Variants in FAM193A observed in about 807,000 individuals in gnomAD.
FAM193A encodes protein FAM193A.
A neutral mutation model predicts 126.5 loss-of-function variants in FAM193A; 22 were observed. The observed-to-expected ratio is 0.17, with a 90% CI of 0.12 to 0.25. FAM193A has a LOEUF of 0.25. FAM193A is among the 10% of genes least tolerant of loss of function. The probability of loss-of-function intolerance (pLI) is 1.00; values close to 1 mark genes in which losing one functional copy is unlikely to be tolerated. For missense variants in FAM193A, 1,675 were observed against 1,672.8 expected (o/e 1.00, Z -0.02); for synonymous variants, 761 against 646.8 (o/e 1.18, Z -2.68).
intron 20 of FAM193A, among the ~76,000 whole-genome samples, chr4:2,722,621 T>A (rs1056039471): frequency 6.6e-6 from 1 of 152,018 alleles, no homozygotes; most frequent in African/African-American, 2.4e-5. Context: ...GGAAAGAGAA[T>A]TTGGATTCTG....
intron 1 of FAM193A, among the ~76,000 whole-genome samples, chr4:2,565,274 T>TC: frequency 1.1e-5 from 1 of 90,892 alleles, no homozygotes; most frequent in Non-Finnish European, 2.2e-5. Context: ...TTTTTTTTTT[T>TC]TTAAAAGATG....
At chr4:2,568,840 C>T (rs1739119388) in intron 1 of FAM193A, among the ~76,000 whole-genome samples, 1 of 152,258 alleles carries the variant, frequency 6.6e-6, no homozygotes, top group South Asian at 2.1e-4. Flanking sequence ...TAGAAGGATT[C>T]TGTTAAGATT....
At chr4:2,602,918 C>T (rs1741288765) in intron 2 of FAM193A, among the ~76,000 whole-genome samples, 1 of 148,802 alleles carries the variant, frequency 6.7e-6, no homozygotes, top group Admixed American at 6.7e-5. Flanking sequence ...CCTCGTCCTC[C>T]CAAAGTGCTG....
intron 2 of FAM193A, among the ~76,000 whole-genome samples, chr4:2,598,650 G>A (rs1741009598): frequency 6.6e-6 from 1 of 152,170 alleles, no homozygotes; most frequent in African/African-American, 2.4e-5. Context: ...ATTGGTTCTT[G>A]CTTTCTGTTT....
At chr4:2,572,733 T>G (rs953925014) in intron 1 of FAM193A, among the ~76,000 whole-genome samples, 6 of 150,696 alleles carry the variant, frequency 4.0e-5, no homozygotes, top group African/African-American at 1.5e-4. Flanking sequence ...GTCTTTAGAT[T>G]AAGTGCAGTT....
intron 20 of FAM193A, chr4:2,720,198 T>C (rs1337194187): frequency 6.5e-6 from 1 of 154,658 alleles, no homozygotes; most frequent in Non-Finnish European, 1.5e-5. Context: ...AAAAGTATTT[T>C]ATATTCAACC....
chr4:2,543,574 G>A (rs1304385921), intron 1 of FAM193A, among the ~76,000 whole-genome samples: 1 of 151,772 alleles, frequency 6.6e-6, no homozygotes, highest in African/African-American at 2.4e-5. Context: ...GCCACCATAG[G>A]GACCGGGCAT....
At chr4:2,650,804 C>T (rs1368545439) in intron 7 of FAM193A, among the ~76,000 whole-genome samples, 1 of 152,164 alleles carries the variant, frequency 6.6e-6, no homozygotes. Context: ...AAAGAGGAGC[C>T]CCAAGCACCT....
intron 13 of FAM193A, among the ~76,000 whole-genome samples, chr4:2,680,317 C>T (rs747800121): frequency 3.9e-5 from 6 of 151,988 alleles, no homozygotes; most frequent in Non-Finnish European, 8.8e-5. Flanking sequence ...TACAGTTGTT[C>T]GTAATACTTT....
At chr4:2,696,199 C>A (rs1035400914) in intron 17 of FAM193A, 164 bp from the exon 18 acceptor site, 2 of 574,326 alleles carry the variant, frequency 3.5e-6, no homozygotes, top group Non-Finnish European at 6.0e-6. Flanking sequence ...GGGTGACTTG[C>A]TGATAGGTTT....
intron 1 of FAM193A, among the ~76,000 whole-genome samples, chr4:2,581,025 A>T (rs368205484): frequency 3.8e-4 from 57 of 151,788 alleles, no homozygotes; most frequent in African/African-American, 1.3e-3. Flanking sequence ...GCTACTCGGG[A>T]GGCTGAGGCA....
chr4:2,599,858 C>T (rs1308769398), intron 2 of FAM193A, among the ~76,000 whole-genome samples: 2 of 151,874 alleles, frequency 1.3e-5, no homozygotes, highest in African/African-American at 4.8e-5. Context: ...GCCTCAGCCT[C>T]CCGAGTAGCT....
At chr4:2,661,580 G>C (rs1712450373) in intron 10 of FAM193A, among the ~76,000 whole-genome samples, 1 of 152,182 alleles carries the variant, frequency 6.6e-6, no homozygotes, top group African/African-American at 2.4e-5. Context: ...TCTGCACCTT[G>C]TGGGTGCTGT....
chr4:2,719,711 C>T (rs1409326145), intron 20 of FAM193A, among the ~76,000 whole-genome samples: 1 of 149,862 alleles, frequency 6.7e-6, no homozygotes, highest in African/African-American at 2.5e-5. Flanking sequence ...CACCATTGTA[C>T]TCCAGCCTGG....
chr4:2,546,418 C>T (rs1458682121), intron 1 of FAM193A, among the ~76,000 whole-genome samples: 2 of 152,018 alleles, frequency 1.3e-5, no homozygotes, highest in East Asian at 1.9e-4. Flanking sequence ...GTTATAGTTA[C>T]ACTCTCCCCA....
At chr4:2,695,707 C>T (rs537783514) in intron 17 of FAM193A, among the ~76,000 whole-genome samples, 1 of 152,178 alleles carries the variant, frequency 6.6e-6, no homozygotes, top group South Asian at 2.1e-4. Flanking sequence ...AAAAAGGAAA[C>T]CCACAAATGG....
At chr4:2,642,061 C>T (rs954718175) in intron 6 of FAM193A, among the ~76,000 whole-genome samples, 28 of 148,200 alleles carry the variant, frequency 1.9e-4, no homozygotes, top group Admixed American at 9.0e-4. Context: ...GAGGTCGAGG[C>T]GGGCAGATCA....
At chr4:2,663,344 T>C (rs776612482) in intron 12 of FAM193A, 56 bp downstream of exon 12, 20 of 1,386,198 alleles carry the variant, frequency 1.4e-5, no homozygotes, top group Admixed American at 2.5e-5. Flanking sequence ...GTATTTTCTC[T>C]AAACATGAGC....
At chr4:2,563,873 A>G (rs760288587) in intron 1 of FAM193A, among the ~76,000 whole-genome samples, 12 of 152,220 alleles carry the variant, frequency 7.9e-5, no homozygotes, top group Non-Finnish European at 1.5e-4. Context: ...TTCATAAGAG[A>G]AACATCACCT....
Sources: allele counts gnomAD v4.1 joint callset (sites outside exome capture counted in the v4.1 genomes callset), GRCh38; gene constraint gnomAD v4.1.1; transcripts MANE v1.5; gene names NCBI Gene and HGNC (gene_info 2026-07-23, HGNC 2026-07-21).